FAM111B: variants seen among roughly 807,000 people sequenced by gnomAD.
FAM111B encodes the protein serine protease FAM111B.
FAM111B carries 1 observed loss-of-function variant against 2.8 expected under a neutral mutation model. The observed-to-expected ratio is 0.36, with a 90% CI of 0.13 to 1.70. The LOEUF (loss-of-function observed/expected upper bound fraction) is 1.70, where lower values mean the gene tolerates loss of function less well. Ranked by LOEUF, FAM111B falls within the 40% of genes most tolerant of loss-of-function variation. The probability of loss-of-function intolerance (pLI) is 0.35; values close to 1 mark genes in which losing one functional copy is unlikely to be tolerated. For synonymous variants in FAM111B, 297 were observed against 295.6 expected (o/e 1.00, Z -0.05); for missense variants, 882 against 878.9 (o/e 1.00, Z -0.04).
Position 59,124,974 on chromosome 11 carries a change from A to G in FAM111B, c.877A>G (p.Ile293Val), listed in dbSNP as rs1859994298. Residue 293 changes from isoleucine (I) to valine (V), a missense_variant, in exon 4 of 4, where the codon ATT (isoleucine) becomes GTT (valine). Transcript: ENST00000343597. The part of the protein sequence containing the change: ...IKQNESATDE[I>V]NHQSLIQSKK... ...ACAGAATGAAAGTGCCACTGATGAA[A>G]TTAATCACCAGAGTCTGATACAGTC... 3 of 1,611,578 alleles carry G rather than the reference A, an allele frequency of 1.9e-6. No individual in the cohort carries two copies. Among genetic ancestry groups the G allele is most frequent in the African/African-American group, 1.3e-5 (1 of 74,732 alleles).
intron 3 of FAM111B, among the ~76,000 whole-genome samples, chr11:59,113,879 T>C (rs1859799714): frequency 6.6e-6 from 1 of 152,252 alleles, no homozygotes; most frequent in Non-Finnish European, 1.5e-5. Flanking sequence ...TTGTTCAGAA[T>C]GCATTTGAAA....
intron 3 of FAM111B, 117 bp from the exon 4 acceptor site, chr11:59,124,062 G>A (rs555482770): frequency 2.2e-5 from 13 of 587,046 alleles, no homozygotes; most frequent in East Asian, 6.3e-5. Context: ...TCCATTATTC[G>A]TTAACCATTA....
intron 3 of FAM111B, among the ~76,000 whole-genome samples, chr11:59,121,663 A>G (rs960279031): frequency 1.3e-5 from 2 of 152,228 alleles, no homozygotes; most frequent in South Asian, 2.1e-4. Context: ...TTCTAAGTCT[A>G]TACTTGAGAG....
At chr11:59,115,034 T>C (rs1276774041) in intron 3 of FAM111B, among the ~76,000 whole-genome samples, 1 of 152,132 alleles carries the variant, frequency 6.6e-6, no homozygotes, top group Non-Finnish European at 1.5e-5. Flanking sequence ...AGGGTGCTTG[T>C]TGACTGACCA....
Position 59,124,755 on chromosome 11 carries a change from A to T in FAM111B, c.658A>T (p.Thr220Ser), listed in dbSNP as rs1366242629. 3 of 1,613,864 alleles carry T rather than the reference A, an allele frequency of 1.9e-6. No homozygotes were observed. The highest frequency in any genetic ancestry group is 1.7e-4 in the Middle Eastern group (1 of 6,060). ...TTGTATTTATGCCTTGAAGGGTGAGACTATTGAAGGAGCCTTATGCAAGGA... is the reference window on the plus strand; with the variant it reads ...TTGTATTTATGCCTTGAAGGGTGAGTCTATTGAAGGAGCCTTATGCAAGGA... The part of the protein sequence containing the change: ...KLCIYALKGE[T>S]IEGALCKDGR... Residue 220 changes from threonine to serine, a missense_variant, in exon 4 of 4, where the codon ACT becomes TCT. Transcript: ENST00000343597.
rs753019415 is a variant in FAM111B, at chr11:59,125,160, C to CG, written c.1064dup (p.Tyr357IlefsTer2). ...AAATTATTACTTTTGTAGTTTGCCC[C>CG]GAAAATATAGGCAAATAAACTCACA... On this transcript the variant is annotated frameshift_variant, in exon 4 of 4. Coordinates refer to ENST00000343597, the MANE Select transcript of FAM111B (RefSeq NM_198947.4). LOFTEE classifies it low-confidence loss of function (END_TRUNC). 1.2e-4 allele frequency: 197 copies of CG among 1,613,676 alleles called. No individual in the cohort carries two copies. Among genetic ancestry groups the CG allele is most frequent in the Non-Finnish European group, 1.5e-4 (178 of 1,179,830 alleles).
intron 3 of FAM111B, among the ~76,000 whole-genome samples, chr11:59,111,460 TAGG>T (rs1253909139): frequency 1.3e-5 from 2 of 152,142 alleles, no homozygotes; most frequent in African/African-American, 4.8e-5. Context: ...TTGTATTGCT[TAGG>T]AGGAGTTATT....
chr11:59,109,044 G>A (rs1182078540), intron 2 of FAM111B, among the ~76,000 whole-genome samples: 1 of 152,186 alleles, frequency 6.6e-6, no homozygotes, highest in Non-Finnish European at 1.5e-5. Context: ...ACCTTGCAGA[G>A]TAGTCTCCCT....
intron 1 of FAM111B, among the ~76,000 whole-genome samples, chr11:59,108,257 G>A (rs1403336763): frequency 6.6e-6 from 1 of 152,248 alleles, no homozygotes; most frequent in East Asian, 1.9e-4. Flanking sequence ...GGGTTACAGG[G>A]AGAGGGTTGG....
chr11:59,126,114 C>T lies in FAM111B; in HGVS notation c.2017C>T (p.Arg673Ter), dbSNP rs147236932. The T allele has an allele frequency of 1.1e-5, 18 of 1,613,106 alleles. No homozygotes were observed. The highest frequency in any genetic ancestry group is 1.4e-5 in the Non-Finnish European group (17 of 1,179,620). The part of the protein sequence containing the change: ...ALHTFGLFYQ[R>*]GFNVHALIEF... ...GCATACCTTTGGGCTTTTTTATCAACGAGGATTTAATGTGCATGCCCTTAT... is the reference window on the plus strand; with the variant it reads ...GCATACCTTTGGGCTTTTTTATCAATGAGGATTTAATGTGCATGCCCTTAT... The change falls in exon 4 of 4, where the codon CGA becomes TGA. Residue 673 changes from arginine to a stop codon, truncating the protein, a stop_gained. Transcript: ENST00000343597. LOFTEE classifies it low-confidence loss of function (END_TRUNC).
rs1465694599 is a variant in FAM111B at position 59,124,766 on chromosome 11, A to G, written c.669A>G (p.Gly223=). ...CCTTGAAGGGTGAGACTATTGAAGG[A>G]GCCTTATGCAAGGATGGCCGTTTTC... ...IYALKGETIE[G]ALCKDGRFRS... Residue 223 remains glycine, a synonymous_variant, in exon 4 of 4, where the codon GGA becomes GGG. Transcript: ENST00000343597. The G allele has an allele frequency of 1.2e-5, 20 of 1,613,788 alleles. No individual in the cohort carries two copies. The highest frequency in any genetic ancestry group is 1.4e-5 in the Non-Finnish European group (17 of 1,179,844).
chr11:59,117,532 A>G (rs916776809), intron 3 of FAM111B, among the ~76,000 whole-genome samples: 1 of 152,080 alleles, frequency 6.6e-6, no homozygotes, highest in Non-Finnish European at 1.5e-5. Context: ...CACATATATT[A>G]TCTCACTTAC....
chr11:59,118,133 G>A (rs1859866485), intron 3 of FAM111B, among the ~76,000 whole-genome samples: 1 of 152,232 alleles, frequency 6.6e-6, no homozygotes, highest in Admixed American at 6.5e-5. Context: ...CTGCAATGCA[G>A]TGGAAAGCGG....
intron 3 of FAM111B, 99 bp from the exon 4 acceptor site, chr11:59,124,080 T>A: frequency 2.7e-6 from 2 of 742,630 alleles, no homozygotes; most frequent in Non-Finnish European, 4.1e-6. Context: ...TTATATTATC[T>A]AATTTTTATT....
intron 3 of FAM111B, among the ~76,000 whole-genome samples, chr11:59,121,577 T>C (rs1047974369): frequency 1.4e-4 from 21 of 152,244 alleles, no homozygotes; most frequent in Non-Finnish European, 1.5e-5. Flanking sequence ...ATTTTCTTTT[T>C]CTCATTGCTC....
rs75528752 is a variant in FAM111B, at chr11:59,116,007, C to T, written c.81+6301C>T. On this transcript the variant is annotated intron_variant, in intron 3 of 3. Coordinates refer to ENST00000343597, the MANE Select transcript of FAM111B (RefSeq NM_198947.4). ...CTGTTTCACTTGGATATTTACCTCC[C>T]GGTGCATTATCTGCCTCTTTGGCTA... is the stretch of plus-strand genomic sequence containing the variant. Among the ~76,000 whole-genome samples, 1,446 of 152,222 alleles carry T rather than the reference C, an allele frequency of 9.5e-3. 24 individuals carry two copies. Among genetic ancestry groups the T allele is most frequent in the African/African-American group, 0.033 (1,376 of 41,514 alleles).
In FAM111B at chr11:59,126,320, C is replaced by T; in HGVS notation, c.*18C>T. 8 of 1,478,318 alleles carry T rather than the reference C, an allele frequency of 5.4e-6. No individual in the cohort carries two copies. The highest frequency in any genetic ancestry group is 6.3e-6 in the Non-Finnish European group (7 of 1,112,232). 91.6% of individuals were successfully genotyped at this position (1,478,318 alleles called of 1,614,324 possible). ...AATGTTAGAAAAGAGATGCTGTCTTCAAGAAAATATGCCAATAATTCCTGG... is the reference window on the plus strand; with the variant it reads ...AATGTTAGAAAAGAGATGCTGTCTTTAAGAAAATATGCCAATAATTCCTGG... On this transcript the variant is annotated 3_prime_UTR_variant, in exon 4 of 4. Coordinates refer to ENST00000343597, the MANE Select transcript of FAM111B (RefSeq NM_198947.4).
At position 59,124,780 on chromosome 11, in the gene FAM111B, A is replaced by G. The variant is rs1168361632; in HGVS notation, c.683A>G (p.Asp228Gly). The stretch of plus-strand genomic sequence containing the variant: ...ACTATTGAAGGAGCCTTATGCAAGG[A>G]TGGCCGTTTTCGGTCTGACATAGGT... Reference protein sequence around the residue: ...GETIEGALCKDGRFRSDIGEF... With the variant: ...GETIEGALCKGGRFRSDIGEF... The change falls in exon 4 of 4, where the codon GAT (aspartate) becomes GGT (glycine). Residue 228 changes from aspartate to glycine, a missense_variant. Asp to Gly is a moderately conservative substitution (Grantham distance 94). Coordinates refer to ENST00000343597, the MANE Select transcript of FAM111B (RefSeq NM_198947.4). 1 of 1,613,936 alleles carries G rather than the reference A, an allele frequency of 6.2e-7. No individual in the cohort carries two copies. The highest frequency in any genetic ancestry group is 1.3e-5 in the African/African-American group (1 of 75,030).
rs1339702828 is a variant in FAM111B, at chr11:59,126,475, G to T, written c.*173G>T. 12 of 489,116 alleles carry T rather than the reference G, an allele frequency of 2.5e-5. No individual in the cohort carries two copies. Among genetic ancestry groups the T allele is most frequent in the Non-Finnish European group, 3.8e-5 (11 of 290,180 alleles). The allele number at this position is 489,116 out of a possible 1,614,324, so 30.3% of individuals were successfully genotyped here. ...GGTAAACACACAACCTACGGAATGG[G>T]AGAAAATATTTGCAAACTATGCATA... On this transcript the variant is annotated 3_prime_UTR_variant, in exon 4 of 4. Transcript: ENST00000343597.
Sources: allele counts gnomAD v4.1 joint callset (sites outside exome capture counted in the v4.1 genomes callset), GRCh38; gene constraint gnomAD v4.1.1; transcripts MANE v1.5; gene names NCBI Gene and HGNC (gene_info 2026-07-23, HGNC 2026-07-21).